TUSC3: variants seen among roughly 807,000 people sequenced by gnomAD.
The protein encoded by TUSC3 is tumor suppressor candidate 3, also known as dolichyl-diphosphooligosaccharide--protein glycosyltransferase subunit TUSC3.
TUSC3 carries 45 observed loss-of-function variants against 44.8 expected under a neutral mutation model. The ratio of observed to expected loss-of-function variants is 1.00; its 90% CI spans 0.79 to 1.29. The LOEUF (loss-of-function observed/expected upper bound fraction) is 1.29. Among genes scored for constraint, TUSC3 ranks in the 50% most tolerant of loss-of-function variants. The probability of loss-of-function intolerance (pLI) is 0.00; values close to 1 mark genes in which losing one functional copy is unlikely to be tolerated. For synonymous variants in TUSC3, 212 were observed against 152.9 expected (o/e 1.39, Z -2.85); for missense variants, 519 against 437.9 (o/e 1.19, Z -1.65).
At position 15,622,810 on chromosome 8, in the gene TUSC3, C is replaced by CT. The variant is rs138823338; in HGVS notation, c.139-261dup. Among the ~76,000 whole-genome samples, 30,355 of 150,856 alleles carry CT rather than the reference C, an allele frequency of 0.2. 3,890 individuals are homozygous for CT. Among genetic ancestry groups the CT allele is most frequent in the Non-Finnish European group, 0.29 (19,832 of 67,696 alleles). ...CAAGAGCTTACTTTTCTTGAGCCTTCTTTTTTTTTATGTCAACCCCCATTG... is the reference window on the plus strand; with the variant it reads ...CAAGAGCTTACTTTTCTTGAGCCTTCTTTTTTTTTTATGTCAACCCCCATTG... On this transcript the variant is annotated intron_variant, in intron 1 of 10. Transcript: ENST00000503731.
chr8:15,777,513 T>C, the TUSC3 span, among the ~76,000 whole-genome samples: 1 of 151,936 alleles, frequency 6.6e-6, no homozygotes, highest in African/African-American at 2.4e-5. Context: ...CACTGTGCTA[T>C]ATTTAAGTAG....
At chr8:15,526,760 TAC>T (rs1160691799) in intron 2 of TUSC3, among the ~76,000 whole-genome samples, 6 of 152,166 alleles carry the variant, frequency 3.9e-5, no homozygotes, top group African/African-American at 9.7e-5. Context: ...AACAGACTAA[TAC>T]AGAGTCCACA....
intron 2 of TUSC3, among the ~76,000 whole-genome samples, chr8:15,645,891 G>A (rs566546707): frequency 6.6e-6 from 1 of 152,176 alleles, no homozygotes; most frequent in East Asian, 1.9e-4. Flanking sequence ...GACTAAATGA[G>A]TTGTAGACTC....
chr8:15,803,815 C>T, the TUSC3 span, among the ~76,000 whole-genome samples: 1 of 152,082 alleles, frequency 6.6e-6, no homozygotes, highest in Non-Finnish European at 1.5e-5. Context: ...TTTTCTGTCC[C>T]TGTGTTAATT....
At chr8:15,683,795 G>C (rs1383905759) in intron 6 of TUSC3, among the ~76,000 whole-genome samples, 1 of 152,126 alleles carries the variant, frequency 6.6e-6, no homozygotes. Flanking sequence ...CTGTTGTTTT[G>C]TTGGGGCTTT....
In TUSC3 at chr8:15,551,662, C is replaced by T. The variant is rs17611959; in HGVS notation, c.138+11094C>T. ...AAAGAACTTCATAGGTGTTATATAC[C>T]ACAGTAACTCAGGAGAAACAACTTA... On this transcript the variant is annotated intron_variant, in intron 1 of 10. Coordinates refer to ENST00000503731, the MANE Select transcript of TUSC3 (RefSeq NM_006765.4). 3.2e-3 allele frequency among the ~76,000 whole-genome samples: 487 copies of T among 151,628 alleles called. 21 individuals carry two copies. The East Asian group carries it at 0.036, about 11-fold the overall frequency.
chr8:15,646,830 A>G (rs111405511), intron 2 of TUSC3, among the ~76,000 whole-genome samples: 2,294 of 152,234 alleles, frequency 0.015, 58 homozygotes, highest in African/African-American at 0.053. Flanking sequence ...TTGTAACAAC[A>G]TTTTATACAG....
intron 1 of TUSC3, among the ~76,000 whole-genome samples, chr8:15,565,684 C>A (rs1040131387): frequency 1.3e-5 from 2 of 152,092 alleles, no homozygotes; most frequent in Non-Finnish European, 2.9e-5. Flanking sequence ...GTATTAAATA[C>A]TTTCATGCTT....
intron 7 of TUSC3, among the ~76,000 whole-genome samples, chr8:15,737,467 T>G (rs2543146): frequency 0.49 from 75,120 of 151,938 alleles, 19,179 homozygotes; most frequent in African/African-American, 0.6. Flanking sequence ...TGGGATCATG[T>G]CAGTATTTTG....
chr8:15,743,444 A>T, intron 7 of TUSC3, 94 bp from the exon 8 acceptor site: 1 of 1,230,822 alleles, frequency 8.1e-7, no homozygotes, highest in Non-Finnish European at 1.2e-6. Flanking sequence ...GTGCATTTGT[A>T]GTTTAACCAT....
intron 1 of TUSC3, among the ~76,000 whole-genome samples, chr8:15,573,883 G>T (rs992867582): frequency 6.6e-6 from 1 of 151,976 alleles, no homozygotes; most frequent in Non-Finnish European, 1.5e-5. Flanking sequence ...TTTCCTGACA[G>T]TTCCAAATAT....
chr8:15,461,154 C>A (rs1262746541), intron 1 of TUSC3, among the ~76,000 whole-genome samples: 1 of 152,184 alleles, frequency 6.6e-6, no homozygotes, highest in Non-Finnish European at 1.5e-5. Flanking sequence ...CTCTACCCAT[C>A]CGTGAGCATG....
chr8:15,610,591 G>A (rs1031867293), intron 1 of TUSC3, among the ~76,000 whole-genome samples: 1 of 152,174 alleles, frequency 6.6e-6, no homozygotes, highest in Non-Finnish European at 1.5e-5. Context: ...AGATACATAT[G>A]CAAGTTTCGG....
chr8:15,579,060 G>T (rs937364585), intron 1 of TUSC3, among the ~76,000 whole-genome samples: 4 of 151,938 alleles, frequency 2.6e-5, no homozygotes, highest in African/African-American at 9.7e-5. Context: ...TGTATGTGTT[G>T]AGGAATTTAT....
chr8:15,587,887 A>T (rs1803663285), intron 1 of TUSC3, among the ~76,000 whole-genome samples: 1 of 152,120 alleles, frequency 6.6e-6, no homozygotes, highest in Admixed American at 6.6e-5. Context: ...ATTGCTTCTA[A>T]TGACAGGATT....
intron 1 of TUSC3, among the ~76,000 whole-genome samples, chr8:15,431,750 C>T (rs1446884384): frequency 7.0e-6 from 1 of 143,322 alleles, no homozygotes; most frequent in African/African-American, 2.5e-5. Context: ...CCTAATATTA[C>T]AGGAAATGAT....
At chr8:15,616,036 G>GCT (rs2129161114) in intron 1 of TUSC3, among the ~76,000 whole-genome samples, 1 of 152,296 alleles carries the variant, frequency 6.6e-6, no homozygotes, top group African/African-American at 2.4e-5. Context: ...GCCTCACTGT[G>GCT]CTGCAGTCCA....
At chr8:15,760,130 GCTT>G (rs1487407936) in intron 10 of TUSC3, among the ~76,000 whole-genome samples, 1 of 152,020 alleles carries the variant, frequency 6.6e-6, no homozygotes, top group African/African-American at 2.4e-5. Flanking sequence ...TGATCATGTT[GCTT>G]CTTCATTAAA....
At chr8:15,688,856 T>A (rs1808761733) in intron 6 of TUSC3, 1 of 155,310 alleles carries the variant, frequency 6.4e-6, no homozygotes, top group South Asian at 2.0e-4. Context: ...CTTTGTAGAA[T>A]TTCACTAGGT....
Sources: allele counts gnomAD v4.1 joint callset (sites outside exome capture counted in the v4.1 genomes callset), GRCh38; gene constraint gnomAD v4.1.1; transcripts MANE v1.5; gene names NCBI Gene and HGNC (gene_info 2026-07-23, HGNC 2026-07-21).